The following GRM1 variants were observed in gnomAD, a reference collection of about 807,000 sequenced individuals.
GRM1 encodes metabotropic glutamate receptor 1.
GRM1 carries 33 observed loss-of-function variants against 90.9 expected under a neutral mutation model. The ratio of observed to expected loss-of-function variants is 0.36; its 90% CI spans 0.28 to 0.49. The LOEUF is 0.49. GRM1 is among the 20% of genes least tolerant of loss of function. The probability of loss-of-function intolerance (pLI) is 0.99; values close to 1 mark genes in which losing one functional copy is unlikely to be tolerated. For synonymous variants in GRM1, 700 were observed against 613.2 expected, an observed-to-expected ratio of 1.14 and a Z score of -2.09; for missense variants, 1,190 against 1,534.3, an observed-to-expected ratio of 0.78 and a Z score of 3.75.
intron 1 of GRM1, among the ~76,000 whole-genome samples, chr6:146,060,575 T>C (rs538304640): frequency 6.6e-6 from 1 of 152,300 alleles, no homozygotes; most frequent in South Asian, 2.1e-4. Context: ...GCAGAGGACA[T>C]GATCTTGTTT....
At chr6:146,338,756 A>T (rs1784865484) in intron 3 of GRM1, among the ~76,000 whole-genome samples, 1 of 152,216 alleles carries the variant, frequency 6.6e-6, no homozygotes, top group South Asian at 2.1e-4. Flanking sequence ...ATAGAAGCCC[A>T]GAGTAGCTCT....
chr6:146,071,346 T>C (rs936913327), intron 1 of GRM1, among the ~76,000 whole-genome samples: 1 of 152,152 alleles, frequency 6.6e-6, no homozygotes, highest in Non-Finnish European at 1.5e-5. Flanking sequence ...GGAAGAGATT[T>C]TACTCTGCTT....
At chr6:146,245,893 A>G (rs1321394513) in intron 2 of GRM1, among the ~76,000 whole-genome samples, 1 of 152,212 alleles carries the variant, frequency 6.6e-6, no homozygotes, top group Non-Finnish European at 1.5e-5. Flanking sequence ...GCAATACAAT[A>G]AGATAGAATG....
chr6:146,173,366 G>T, intron 2 of GRM1, among the ~76,000 whole-genome samples: 1 of 142,724 alleles, frequency 7.0e-6, no homozygotes, highest in East Asian at 2.0e-4. Flanking sequence ...CTCAGCCTGG[G>T]CAACAAGAGT....
chr6:146,276,125 A>G (rs1782352444), intron 2 of GRM1, among the ~76,000 whole-genome samples: 1 of 152,168 alleles, frequency 6.6e-6, no homozygotes. Context: ...TATTTAAGTA[A>G]CACAGTCATG....
chr6:146,362,674 A>C (rs1382982242), intron 5 of GRM1, among the ~76,000 whole-genome samples: 4 of 151,470 alleles, frequency 2.6e-5, no homozygotes, highest in African/African-American at 9.7e-5. Flanking sequence ...CAAAAAAAAA[A>C]AAAAAAAAAA....
chr6:146,326,730 C>T (rs1291637574), intron 3 of GRM1, among the ~76,000 whole-genome samples: 1 of 152,124 alleles, frequency 6.6e-6, no homozygotes, highest in Non-Finnish European at 1.5e-5. Context: ...TTGTAAAAAA[C>T]TTTACTGAAG....
chr6:146,300,413 T>A (rs1328734951), intron 2 of GRM1, among the ~76,000 whole-genome samples: 1 of 152,206 alleles, frequency 6.6e-6, no homozygotes, highest in Admixed American at 6.5e-5. Context: ...AATATTAGAA[T>A]GTATAAGATA....
rs1405950984 is a variant in GRM1 at position 146,222,363 on chromosome 6, AG to A, written c.950+62767del. ...AAATGTATTAGTTTGGGTTCTCTAG[AG>A]AAAGTGAACCAATAGAACATGTATA... is the stretch of plus-strand genomic sequence containing the variant. On this transcript the variant is annotated intron_variant, in intron 2 of 7. Transcript: ENST00000282753. 7.9e-5 allele frequency among the ~76,000 whole-genome samples: 12 copies of A among 152,252 alleles called. No individual in the cohort carries two copies. In the East Asian group the frequency reaches 2.3e-3, roughly 29 times the overall value.
intron 3 of GRM1, among the ~76,000 whole-genome samples, chr6:146,323,029 T>A (rs1784256390): frequency 2.0e-5 from 3 of 152,262 alleles, no homozygotes; most frequent in Admixed American, 2.0e-4. Flanking sequence ...TGGTTCCAAG[T>A]CTTTGCTATT....
chr6:146,069,043 T>G (rs1228969523), intron 1 of GRM1, among the ~76,000 whole-genome samples: 4 of 152,246 alleles, frequency 2.6e-5, no homozygotes, highest in Non-Finnish European at 5.9e-5. Context: ...ATATCTGAAC[T>G]GTTAAACTTA....
At position 146,078,569 on chromosome 6, in the gene GRM1, G is replaced by A. The variant is rs1025728670; in HGVS notation, c.700+48352G>A. ...TGTTACCATTCCACTGGCATAAAATGTGGATATAGAGGTTAAGAAAGACTG... is the reference window on the plus strand; with the variant it reads ...TGTTACCATTCCACTGGCATAAAATATGGATATAGAGGTTAAGAAAGACTG... On this transcript the variant is annotated intron_variant, in intron 1 of 7. Transcript: ENST00000282753. 3.9e-5 allele frequency among the ~76,000 whole-genome samples: 6 copies of A among 152,268 alleles called. No homozygotes were observed. The South Asian group carries it at 1.0e-3, about 26-fold the overall frequency.
chr6:146,406,156 A>T (rs1413678640), intron 7 of GRM1, among the ~76,000 whole-genome samples: 3 of 152,206 alleles, frequency 2.0e-5, no homozygotes, highest in Non-Finnish European at 4.4e-5. Flanking sequence ...GAGAGAGATC[A>T]TCTGGTGTGT....
chr6:146,358,020 G>A (rs1785655573), intron 5 of GRM1, among the ~76,000 whole-genome samples: 1 of 152,176 alleles, frequency 6.6e-6, no homozygotes, highest in African/African-American at 2.4e-5. Flanking sequence ...GTCAATAATA[G>A]TGCTTAGTCA....
intron 5 of GRM1, among the ~76,000 whole-genome samples, chr6:146,368,577 T>A (rs62434337): frequency 6.6e-6 from 1 of 152,092 alleles, no homozygotes; most frequent in African/African-American, 2.4e-5. Flanking sequence ...GAATTTTTAT[T>A]ATTAAGTGAT....
chr6:146,046,938 A>T (rs574351468), intron 1 of GRM1, among the ~76,000 whole-genome samples: 1 of 152,088 alleles, frequency 6.6e-6, no homozygotes, highest in Non-Finnish European at 1.5e-5. Flanking sequence ...AATAAGAGGC[A>T]TTAAAACTGG....
intron 7 of GRM1, among the ~76,000 whole-genome samples, chr6:146,415,018 G>A (rs887222811): frequency 2.0e-5 from 3 of 152,062 alleles, no homozygotes; most frequent in African/African-American, 7.3e-5. Context: ...ACTACATCTT[G>A]TAATACATAA....
chr6:146,073,371 C>T (rs976508232), intron 1 of GRM1, among the ~76,000 whole-genome samples: 1 of 152,032 alleles, frequency 6.6e-6, no homozygotes, highest in Non-Finnish European at 1.5e-5. Context: ...GAGGATTGGA[C>T]TTTAAAGTAA....
At chr6:146,351,156 T>A (rs540449349) in intron 3 of GRM1, among the ~76,000 whole-genome samples, 1 of 152,294 alleles carries the variant, frequency 6.6e-6, no homozygotes, top group East Asian at 1.9e-4. Flanking sequence ...CAGTGACCTA[T>A]TTAGGTTGGA....
Sources: allele counts gnomAD v4.1 joint callset (sites outside exome capture counted in the v4.1 genomes callset), GRCh38; gene constraint gnomAD v4.1.1; transcripts MANE v1.5; gene names NCBI Gene and HGNC (gene_info 2026-07-23, HGNC 2026-07-21).